The following NMI variants were observed in gnomAD, a reference collection of about 807,000 sequenced individuals.
The protein encoded by NMI is N-myc-interactor.
NMI carries 39 observed loss-of-function variants against 34.3 expected under a neutral mutation model. The ratio of observed to expected loss-of-function variants is 1.14; its 90% CI spans 0.88 to 1.49. The LOEUF (loss-of-function observed/expected upper bound fraction) is 1.49, where lower values mean the gene tolerates loss of function less well. Among genes scored for constraint, NMI ranks in the 40% most tolerant of loss-of-function variants. NMI has a pLI of 0.00. For synonymous variants in NMI, 113 were observed against 120.3 expected (o/e 0.94, Z 0.40); for missense variants, 339 against 358.1 (o/e 0.95, Z 0.43).
chr2:151,289,213 A>G (rs1683570252), intron 1 of NMI: 1 of 132,490 alleles, frequency 7.5e-6, no homozygotes, highest in African/African-American at 2.8e-5. Context: ...AGATCGCGCC[A>G]CTGCACTCCA....
chr2:151,276,721 C>T (rs1370844678), intron 4 of NMI, among the ~76,000 whole-genome samples: 15 of 152,174 alleles, frequency 9.9e-5, no homozygotes, highest in Non-Finnish European at 4.4e-5. Flanking sequence ...TTCATTTGCT[C>T]TGTCTTCTCA....
intron 1 of NMI, among the ~76,000 whole-genome samples, chr2:151,287,267 A>G (rs528623459): frequency 6.7e-6 from 1 of 149,680 alleles, no homozygotes; most frequent in South Asian, 2.1e-4. Flanking sequence ...CCTTGAGACG[A>G]TATATATATA....
At chr2:151,274,002 C>T (rs189216758) in intron 6 of NMI, among the ~76,000 whole-genome samples, 2 of 152,106 alleles carry the variant, frequency 1.3e-5, no homozygotes, top group Admixed American at 1.3e-4. Context: ...CTCTCCCTGA[C>T]ACATCCCACC....
chr2:151,279,027 G>A (rs774184569), intron 3 of NMI, 37 bp from the exon 4 acceptor site: 23 of 1,399,770 alleles, frequency 1.6e-5, no homozygotes, highest in African/African-American at 7.2e-5. Context: ...AAATCAAGAC[G>A]AGAAATAACT....
At chr2:151,277,950 C>T (rs904081313) in intron 4 of NMI, 1 of 152,104 alleles carries the variant, frequency 6.6e-6, no homozygotes, top group Non-Finnish European at 1.5e-5. Flanking sequence ...GGGTTTGGCT[C>T]TAAGCTCTGC....
At chr2:151,279,330 C>T (rs1683345690) in intron 3 of NMI, among the ~76,000 whole-genome samples, 1 of 152,000 alleles carries the variant, frequency 6.6e-6, no homozygotes, top group Admixed American at 6.6e-5. Flanking sequence ...AAACAAGTGC[C>T]AATAATAGAC....
intron 1 of NMI, among the ~76,000 whole-genome samples, chr2:151,285,049 A>T (rs140496290): frequency 6.6e-6 from 1 of 152,194 alleles, no homozygotes; most frequent in African/African-American, 2.4e-5. Context: ...TAAAATATAC[A>T]AAATAAGCCT....
chr2:151,274,209 G>T (rs1683240993), intron 6 of NMI, among the ~76,000 whole-genome samples: 1 of 151,382 alleles, frequency 6.6e-6, no homozygotes, highest in South Asian at 2.1e-4. Context: ...CAGGCATGGT[G>T]GCATGCACTT....
At chr2:151,272,129 T>C (rs1033824133) in intron 6 of NMI, among the ~76,000 whole-genome samples, 1 of 151,776 alleles carries the variant, frequency 6.6e-6, no homozygotes, top group African/African-American at 2.4e-5. Context: ...GAATACTATA[T>C]ACATTTTTTT....
intron 4 of NMI, 44 bp downstream of exon 4, chr2:151,278,784 T>C: frequency 6.9e-7 from 1 of 1,458,554 alleles, no homozygotes; most frequent in Non-Finnish European, 9.6e-7. Flanking sequence ...TCTATGAAAG[T>C]GCTTTCCAAA....
At chr2:151,275,369 C>A in intron 6 of NMI, 115 bp downstream of exon 6, 1 of 937,414 alleles carries the variant, frequency 1.1e-6, no homozygotes, top group South Asian at 1.7e-5. Flanking sequence ...TTAAAATCCC[C>A]AATTATCATG....
chr2:151,289,413 G>T (rs1683577979), intron 1 of NMI, among the ~76,000 whole-genome samples, 180 bp downstream of exon 1: 1 of 152,212 alleles, frequency 6.6e-6, no homozygotes, highest in Non-Finnish European at 1.5e-5. Flanking sequence ...GCGCCCCCTC[G>T]AAGGCGGCGT....
chr2:151,273,019 G>T (rs1184894252), intron 6 of NMI, among the ~76,000 whole-genome samples: 2 of 151,868 alleles, frequency 1.3e-5, no homozygotes, highest in African/African-American at 4.8e-5. Flanking sequence ...AGTGGTGATG[G>T]TTGTACAACA....
At chr2:151,273,183 T>C (rs1403737463) in intron 6 of NMI, among the ~76,000 whole-genome samples, 1 of 152,138 alleles carries the variant, frequency 6.6e-6, no homozygotes, top group African/African-American at 2.4e-5. Context: ...CTGCTACTTA[T>C]GAGCTATGTG....
rs1427264227 is a variant in NMI, at chr2:151,270,768, T to C, written c.849A>G (p.Ala283=). The C allele has an allele frequency of 1.9e-6, 3 of 1,613,948 alleles. No homozygotes were observed. Among genetic ancestry groups the C allele is most frequent in the Non-Finnish European group, 2.5e-6 (3 of 1,179,970 alleles). The change falls in exon 8 of 8, where the codon GCA becomes GCG. Residue 283 remains alanine (A), a synonymous_variant. Transcript: ENST00000243346. ...EDLINIHFQR[A]KNGGGEVDVV... is the part of the protein sequence containing the mutation. ...CATCTACTTCTCCACCTCCATTCTT[T>C]GCCCGTTGAAAGTGAATGTTAATTA...
chr2:151,285,568 A>T (rs1266900693), intron 1 of NMI, among the ~76,000 whole-genome samples: 6 of 149,864 alleles, frequency 4.0e-5, no homozygotes. Context: ...AGCCTGAGCG[A>T]CAGAGTGAGA....
At chr2:151,270,980 G>A in intron 7 of NMI, 105 bp from the exon 8 acceptor site, 1 of 924,564 alleles carries the variant, frequency 1.1e-6, no homozygotes, top group Non-Finnish European at 1.6e-6. Context: ...TCTTAGAAGA[G>A]ACAAGAAATC....
At chr2:151,282,152 G>A (rs969713756) in intron 2 of NMI, 109 bp from the exon 3 acceptor site, 1 of 611,078 alleles carries the variant, frequency 1.6e-6, no homozygotes, top group African/African-American at 1.9e-5. Flanking sequence ...AAAGACATTA[G>A]ACAGTCTCAG....
chr2:151,275,941 T>A, intron 4 of NMI, 77 bp from the exon 5 acceptor site: 1 of 948,730 alleles, frequency 1.1e-6, no homozygotes, highest in Non-Finnish European at 1.6e-6. Flanking sequence ...AAGAACAAAT[T>A]ATCCTGAATA....
Sources: gnomAD v4.1 joint callset for allele counts (sites outside exome capture counted in the v4.1 genomes callset) on GRCh38, gnomAD v4.1.1 for gene constraint, MANE v1.5 for transcripts, NCBI Gene and HGNC (gene_info 2026-07-23, HGNC 2026-07-21) for gene names.